The following VEPH1 variants were observed in gnomAD, a reference collection of about 807,000 sequenced individuals.
VEPH1 encodes the protein ventricular zone expressed PH domain containing 1.
A neutral mutation model predicts 85.2 loss-of-function variants in VEPH1; 80 were observed. The observed-to-expected ratio is 0.94, with a 90% CI of 0.78 to 1.13. The LOEUF (loss-of-function observed/expected upper bound fraction) is 1.13. Among genes scored for constraint, VEPH1 ranks in the 50% most tolerant of loss-of-function variants. VEPH1 has a pLI of 0.00. For synonymous variants in VEPH1, 297 were observed against 348.0 expected, an observed-to-expected ratio of 0.85 and a Z score of 1.63; for missense variants, 955 against 980.5, an observed-to-expected ratio of 0.97 and a Z score of 0.35.
intron 11 of VEPH1, among the ~76,000 whole-genome samples, chr3:157,311,316 G>A (rs974628728): frequency 3.3e-5 from 5 of 151,810 alleles, no homozygotes; most frequent in South Asian, 4.2e-4. Context: ...TGTGCATTTC[G>A]CTGCAGTGAA....
intron 11 of VEPH1, among the ~76,000 whole-genome samples, chr3:157,310,494 C>G (rs949296132): frequency 1.3e-5 from 2 of 152,130 alleles, no homozygotes; most frequent in Admixed American, 1.3e-4. Flanking sequence ...GATCTTAAAG[C>G]CAGGTGATTC....
intron 2 of VEPH1, among the ~76,000 whole-genome samples, chr3:157,490,132 C>T (rs911029398): frequency 7.9e-5 from 12 of 151,902 alleles, no homozygotes; most frequent in Admixed American, 5.9e-4. Flanking sequence ...TGTTAATTTT[C>T]TTCAAATTAA....
At chr3:157,321,082 G>T (rs1374123189) in intron 9 of VEPH1, among the ~76,000 whole-genome samples, 4 of 151,928 alleles carry the variant, frequency 2.6e-5, no homozygotes, top group Non-Finnish European at 5.9e-5. Flanking sequence ...ATATGGCTTT[G>T]ATTTTTTAAT....
At position 157,265,578 on chromosome 3, in the gene VEPH1, G is replaced by T; in HGVS notation, c.2213C>A (p.Thr738Lys). The stretch of plus-strand genomic sequence containing the variant: ...ATTTCCAGCCAGTGTAAAATAGCGT[G>T]TTTTCCACCTTTTGATGAACTTCCA... Reference protein sequence around the residue: ...VRWKFIKRWKTRYFTLAGNQL... With the variant: ...VRWKFIKRWKKRYFTLAGNQL... The change falls in exon 13 of 14, where the codon ACA becomes AAA. Residue 738 changes from threonine (T) to lysine (K), a missense_variant. Thr to Lys is a moderately conservative substitution (Grantham distance 78). Coordinates refer to ENST00000362010, the MANE Select transcript of VEPH1 (RefSeq NM_001167912.2). 6.2e-7 allele frequency: 1 copy of T among 1,613,506 alleles called. No individual in the cohort carries two copies. Among genetic ancestry groups the T allele is most frequent in the Non-Finnish European group, 8.5e-7 (1 of 1,179,624 alleles).
chr3:157,303,129 A>G (rs1719028142), intron 11 of VEPH1, among the ~76,000 whole-genome samples: 1 of 152,144 alleles, frequency 6.6e-6, no homozygotes. Flanking sequence ...TAATACACCA[A>G]AGCTTTTCCT....
chr3:157,290,286 A>C (rs1717327117), intron 11 of VEPH1, among the ~76,000 whole-genome samples: 1 of 152,212 alleles, frequency 6.6e-6, no homozygotes, highest in African/African-American at 2.4e-5. Context: ...GTTTGAAAGC[A>C]GATCCTACCC....
intron 4 of VEPH1, chr3:157,437,910 G>C: frequency 1.3e-6 from 2 of 1,524,742 alleles, no homozygotes; most frequent in Non-Finnish European, 1.7e-6. Context: ...GCTGGCTGCC[G>C]GCAGGTAAGG....
intron 4 of VEPH1, 193 bp downstream of exon 4, chr3:157,459,988 T>C: frequency 6.5e-7 from 1 of 1,539,744 alleles, no homozygotes; most frequent in Non-Finnish European, 8.7e-7. Context: ...GTAATTCATC[T>C]GCCTTGGGAA....
intron 1 of VEPH1, among the ~76,000 whole-genome samples, chr3:157,501,065 A>G (rs1366373995): frequency 2.6e-5 from 4 of 152,238 alleles, no homozygotes; most frequent in African/African-American, 9.6e-5. Flanking sequence ...TCCACCAGTT[A>G]ACACATCCCC....
intron 6 of VEPH1, among the ~76,000 whole-genome samples, chr3:157,396,254 G>A (rs1359420014): frequency 6.6e-6 from 1 of 152,008 alleles, no homozygotes; most frequent in Non-Finnish European, 1.5e-5. Context: ...TTCCTGCAAA[G>A]GAAAAGGACA....
chr3:157,499,505 T>A (rs936197827), intron 1 of VEPH1: 1 of 152,094 alleles, frequency 6.6e-6, no homozygotes, highest in Non-Finnish European at 1.5e-5. Context: ...TCCGCTCAGC[T>A]CAGTGAACCT....
intron 11 of VEPH1, among the ~76,000 whole-genome samples, chr3:157,306,545 T>C (rs1414657952): frequency 1.3e-5 from 2 of 152,098 alleles, no homozygotes; most frequent in Non-Finnish European, 2.9e-5. Context: ...ACGTTTTTTT[T>C]CCACATTCCT....
chr3:157,373,796 A>T (rs940451340), intron 7 of VEPH1, among the ~76,000 whole-genome samples: 2 of 152,144 alleles, frequency 1.3e-5, no homozygotes, highest in Non-Finnish European at 2.9e-5. Context: ...CTGTGTTTTG[A>T]ACATTGCTAT....
rs1458924535 is a variant in VEPH1 at position 157,355,494 on chromosome 3, G to T, written c.1735+7870C>A. Among the ~76,000 whole-genome samples, 2 of 152,174 alleles carry T rather than the reference G, an allele frequency of 1.3e-5. 1 individual carries two copies. Among genetic ancestry groups the T allele is most frequent in the East Asian group, 3.9e-4 (2 of 5,192 alleles). ...GGCTGGCTAAGTTTCTCCCTGCCTG[G>T]CCCAACACCAGGTGATTTGAGCACA... On this transcript the variant is annotated intron_variant, in intron 9 of 13. Coordinates refer to ENST00000362010, the MANE Select transcript of VEPH1 (RefSeq NM_001167912.2).
intron 9 of VEPH1, among the ~76,000 whole-genome samples, chr3:157,350,173 G>A (rs779436778): frequency 2.2e-4 from 34 of 152,228 alleles, no homozygotes; most frequent in South Asian, 1.0e-3. Context: ...AAACAGACAC[G>A]TAGACCAATG....
chr3:157,268,665 G>A (rs753928009), intron 12 of VEPH1, among the ~76,000 whole-genome samples: 1 of 152,168 alleles, frequency 6.6e-6, no homozygotes, highest in Non-Finnish European at 1.5e-5. Flanking sequence ...TTTATGTGAG[G>A]ACACTAGGTA....
intron 11 of VEPH1, among the ~76,000 whole-genome samples, chr3:157,289,630 T>C (rs1717223550): frequency 2.0e-5 from 3 of 152,240 alleles, no homozygotes; most frequent in East Asian, 3.8e-4. Context: ...CTCTTAAATG[T>C]GCTTGAGGTC....
chr3:157,430,596 G>T (rs1248678611), intron 4 of VEPH1, among the ~76,000 whole-genome samples: 2 of 152,184 alleles, frequency 1.3e-5, no homozygotes, highest in Admixed American at 1.3e-4. Context: ...AATGTGCTTA[G>T]AAGTCACCTG....
At chr3:157,355,101 C>T (rs1725284177) in intron 9 of VEPH1, among the ~76,000 whole-genome samples, 1 of 152,198 alleles carries the variant, frequency 6.6e-6, no homozygotes, top group South Asian at 2.1e-4. Context: ...TCACATTTCT[C>T]AAGAGTTCCT....
Sources: allele counts gnomAD v4.1 joint callset (sites outside exome capture counted in the v4.1 genomes callset), GRCh38; gene constraint gnomAD v4.1.1; transcripts MANE v1.5; gene names NCBI Gene and HGNC (gene_info 2026-07-23, HGNC 2026-07-21).